The following NRXN1 variants were observed in gnomAD, a reference collection of about 807,000 sequenced individuals.
The protein encoded by NRXN1 is neurexin 1, also known as neurexin-1.
NRXN1 carries 39 observed loss-of-function variants against 150.9 expected under a neutral mutation model. The ratio of observed to expected loss-of-function variants is 0.26; its 90% confidence interval spans 0.20 to 0.34. NRXN1 has a LOEUF of 0.34. Ranked by LOEUF, NRXN1 falls within the 10% of genes least tolerant of loss-of-function variation. The pLI is 1.00. For missense variants in NRXN1, 1,815 were observed against 1,949.9 expected, an observed-to-expected ratio of 0.93 and a Z score of 1.30; for synonymous variants, 924 against 757.0, an observed-to-expected ratio of 1.22 and a Z score of -3.62.
At chr2:50,924,032 T>C (rs62142982) in intron 3 of NRXN1, among the ~76,000 whole-genome samples, 13,444 of 151,844 alleles carry the variant, frequency 0.089, 680 homozygotes, top group South Asian at 0.12. Context: ...TGATAATTCA[T>C]AGTGTTTTAT....
intron 5 of NRXN1, among the ~76,000 whole-genome samples, chr2:50,759,105 C>T (rs939853105): frequency 2.0e-5 from 3 of 151,878 alleles, no homozygotes; most frequent in Non-Finnish European, 4.4e-5. Context: ...CAGGTTATTA[C>T]TAAACTGGAA....
rs199978276 is a variant in NRXN1, at chr2:50,531,384, C to A, written c.2190G>T (p.Gln730His). 545 of 1,612,522 alleles carry A rather than the reference C, an allele frequency of 3.4e-4. No individual in the cohort carries two copies. The highest frequency in any genetic ancestry group is 4.2e-4 in the Non-Finnish European group (499 of 1,179,416). The change falls in exon 11 of 23, where the codon CAG becomes CAT. Residue 730 changes from glutamine to histidine, a missense_variant. Around this residue, in one of 6 missense-constraint regions of NRXN1, gnomAD observed 638 missense variants for 652.6 expected, o/e 0.98. Transcript: ENST00000401669. ...CCTCCGTATGCATGACTACGGGGAG[C>A]TGAATTTTCATAAACATGCTCCCAT... ...SYDGSMFMKI[Q>H]LPVVMHTEAE... is the part of the protein sequence containing the mutation.
intron 5 of NRXN1, among the ~76,000 whole-genome samples, chr2:50,873,322 C>G (rs1040591863): frequency 6.6e-6 from 1 of 151,776 alleles, no homozygotes; most frequent in Non-Finnish European, 1.5e-5. Context: ...TCTTGATAGC[C>G]AAAATTCCTG....
intron 21 of NRXN1, among the ~76,000 whole-genome samples, chr2:49,994,570 A>G (rs1682593239): frequency 6.6e-6 from 1 of 152,156 alleles, no homozygotes; most frequent in South Asian, 2.1e-4. Flanking sequence ...AAATACAAGT[A>G]TCTCAGAGAT....
intron 17 of NRXN1, among the ~76,000 whole-genome samples, chr2:50,435,389 T>G (rs1410242227): frequency 1.3e-5 from 2 of 152,216 alleles, no homozygotes; most frequent in African/African-American, 4.8e-5. Flanking sequence ...AGATGACATA[T>G]TTGAATTCCC....
chr2:50,344,040 T>A (rs2077743824), intron 17 of NRXN1, among the ~76,000 whole-genome samples: 1 of 152,154 alleles, frequency 6.6e-6, no homozygotes, highest in African/African-American at 2.4e-5. Flanking sequence ...TTCACCCTCA[T>A]CTATTAGGCT....
chr2:50,685,151 T>A (rs1691029875), intron 5 of NRXN1, among the ~76,000 whole-genome samples: 1 of 152,236 alleles, frequency 6.6e-6, no homozygotes, highest in Admixed American at 6.5e-5. Flanking sequence ...TTATTTTTAT[T>A]ATTATTTCAA....
chr2:50,205,894 C>G (rs1433750006), intron 18 of NRXN1, among the ~76,000 whole-genome samples: 2 of 151,774 alleles, frequency 1.3e-5, no homozygotes, highest in Admixed American at 1.3e-4. Flanking sequence ...ATGACATGTC[C>G]AGAATTAGCA....
chr2:50,064,395 T>C (rs1266537176), intron 19 of NRXN1, among the ~76,000 whole-genome samples: 3 of 151,270 alleles, frequency 2.0e-5, no homozygotes, highest in Admixed American at 1.3e-4. Context: ...CTGTGGTGCA[T>C]ACACATTAGC....
intron 18 of NRXN1, among the ~76,000 whole-genome samples, chr2:50,191,318 G>GT (rs2061430829): frequency 6.6e-6 from 1 of 151,900 alleles, no homozygotes; most frequent in African/African-American, 2.4e-5. Flanking sequence ...GGGAACACAG[G>GT]TGTGAGCCAC....
intron 5 of NRXN1, among the ~76,000 whole-genome samples, chr2:50,707,900 T>C (rs1694659490): frequency 6.6e-6 from 1 of 152,198 alleles, no homozygotes; most frequent in East Asian, 1.9e-4. Context: ...ATCTCAATCG[T>C]TAGCTACAGA....
At chr2:50,117,242 T>G (rs1703189321) in intron 18 of NRXN1, among the ~76,000 whole-genome samples, 1 of 152,120 alleles carries the variant, frequency 6.6e-6, no homozygotes, top group African/African-American at 2.4e-5. Flanking sequence ...AATAAACATG[T>G]ATTAGATTTA....
At position 50,610,667 on chromosome 2, in the gene NRXN1, A is replaced by G. The variant is rs1226292330; in HGVS notation, c.1320+9355T>C. ...CATATATATATATATATATATATAT[A>G]TATATATATATCTGTACAAAACAGA... is the stretch of plus-strand genomic sequence containing the variant. On this transcript the variant is annotated intron_variant, in intron 8 of 22. Coordinates refer to ENST00000401669, the MANE Select transcript of NRXN1 (RefSeq NM_001330078.2). 1.4e-4 allele frequency among the ~76,000 whole-genome samples: 17 copies of G among 124,286 alleles called. 1 individual carries two copies. In the East Asian group the frequency reaches 4.5e-3, roughly 33 times the overall value. The allele number at this position is 124,286 out of a possible 152,430, so 81.5% of individuals were successfully genotyped here. A position where few individuals can be genotyped will look rare whatever the true frequency, so the allele number is the denominator to read the frequency against.
Position 50,926,032 on chromosome 2 carries a change from C to T in NRXN1, c.773-77G>A, listed in dbSNP as rs1686821850. On this transcript the variant is annotated intron_variant, in intron 2 of 22. Transcript: ENST00000401669. ...GCATGCAGACTGGACCTTGCCTTTG[C>T]ATGTCTTCCTCATGCAAGGCACCAA... is the stretch of plus-strand genomic sequence containing the variant. 6 of 1,154,742 alleles carry T rather than the reference C, an allele frequency of 5.2e-6. No homozygotes were observed. In the East Asian group the frequency reaches 1.3e-4, roughly 25 times the overall value. 71.5% of individuals were successfully genotyped at this position (1,154,742 alleles called of 1,614,324 possible).
chr2:50,482,421 T>A (rs1168088918), intron 15 of NRXN1, among the ~76,000 whole-genome samples: 1 of 152,198 alleles, frequency 6.6e-6, no homozygotes, highest in Non-Finnish European at 1.5e-5. Context: ...GTTTTTTCCT[T>A]TTGTCTCATC....
chr2:49,977,752 C>A (rs1375593160), intron 21 of NRXN1, among the ~76,000 whole-genome samples: 1 of 152,122 alleles, frequency 6.6e-6, no homozygotes, highest in Admixed American at 6.6e-5. Context: ...TGTGATAGGT[C>A]AAGTTATCTG....
At chr2:50,519,849 T>C (rs1351088346) in intron 12 of NRXN1, among the ~76,000 whole-genome samples, 1 of 151,908 alleles carries the variant, frequency 6.6e-6, no homozygotes, top group African/African-American at 2.4e-5. Flanking sequence ...ATATTTTTCC[T>C]CCCTATTATA....
chr2:50,019,369 G>A (rs1179351625), intron 21 of NRXN1: 7 of 469,728 alleles, frequency 1.5e-5, no homozygotes, highest in Admixed American at 1.2e-4. Context: ...GTCGGGCTGG[G>A]CGCGGTGGCT....
At chr2:50,907,209 A>G (rs1683836259) in intron 5 of NRXN1, among the ~76,000 whole-genome samples, 1 of 151,872 alleles carries the variant, frequency 6.6e-6, no homozygotes, top group Non-Finnish European at 1.5e-5. Flanking sequence ...AAAAAAATAA[A>G]CCAACCTTTC....
Sources: allele counts gnomAD v4.1 joint callset (sites outside exome capture counted in the v4.1 genomes callset), GRCh38; gene constraint gnomAD v4.1.1; regional missense constraint gnomAD v4.1.1; transcripts MANE v1.5; gene names NCBI Gene and HGNC (gene_info 2026-07-23, HGNC 2026-07-21).